ALG8: variants seen among roughly 807,000 people sequenced by gnomAD.
ALG8 encodes ALG8 alpha-1,3-glucosyltransferase.
In ALG8, 48 loss-of-function variants were observed where a neutral mutation model predicts 70.2. The observed-to-expected ratio is 0.68, with a 90% CI of 0.54 to 0.87. The LOEUF is 0.87. Among genes scored for constraint, ALG8 ranks in the 40% least tolerant of loss-of-function variants. The pLI, the probability that ALG8 is intolerant of heterozygous loss-of-function variation, is 0.00. For synonymous variants in ALG8, 234 were observed against 229.0 expected (o/e 1.02, Z -0.20); for missense variants, 572 against 608.7 (o/e 0.94, Z 0.64).
rs1294538044 is a variant in ALG8, at chr11:78,104,356, C to G, written c.1276G>C (p.Glu426Gln). ...SLFPLLFTAP[E>Q]LPIKILLMLL... ...ATTTTTCTCAGAAGACGCTGTTTACCTGGTGCAGTGAAGAGCAGAGGAAAG... is the reference window on the plus strand; with the variant it reads ...ATTTTTCTCAGAAGACGCTGTTTACGTGGTGCAGTGAAGAGCAGAGGAAAG... Residue 426 changes from glutamate to glutamine, a missense_variant and splice_region_variant, in exon 11 of 13, where the codon GAA (glutamate) becomes CAA (glutamine). Physicochemically the swap from Glu to Gln is conservative, Grantham distance 29. Coordinates refer to ENST00000299626, the MANE Select transcript of ALG8 (RefSeq NM_024079.5). 6.3e-7 allele frequency: 1 copy of G among 1,584,968 alleles called. No individual in the cohort carries two copies. The highest frequency in any genetic ancestry group is 1.2e-5 in the South Asian group (1 of 85,602).
rs758076775 is a variant in ALG8 at position 78,114,354 on chromosome 11, G to A, written c.585C>T (p.Leu195=). 7 of 1,614,068 alleles carry A rather than the reference G, an allele frequency of 4.3e-6. No individual in the cohort carries two copies. The highest frequency in any genetic ancestry group is 1.1e-5 in the South Asian group (1 of 91,082). ...HMEGAFLFAV[L]LHFKHIYLYV... ...AGAGGTAGATATGCTTGAAATGTAG[G>A]AGAACAGCAAAGAGAAATGCTCCTT... Residue 195 remains leucine, a synonymous_variant, in exon 6 of 13, where the codon CTC becomes CTT. Coordinates refer to ENST00000299626, the MANE Select transcript of ALG8 (RefSeq NM_024079.5).
intron 10 of ALG8, among the ~76,000 whole-genome samples, chr11:78,105,455 T>C (rs1201499080): frequency 6.6e-6 from 1 of 152,172 alleles, no homozygotes; most frequent in African/African-American, 2.4e-5. Context: ...TCTTGCGACC[T>C]GTATGACTTT....
chr11:78,139,010 A>G, intron 1 of ALG8: 1 of 346,468 alleles, frequency 2.9e-6, no homozygotes, highest in South Asian at 2.3e-5. Flanking sequence ...TTCAACTCAA[A>G]CATCACCTTC....
Position 78,126,446 on chromosome 11 carries a change from C to T in ALG8, c.174+912G>A, listed in dbSNP as rs1166178159. Among the ~76,000 whole-genome samples, 4 of 147,212 alleles carry T rather than the reference C, an allele frequency of 2.7e-5. No homozygotes were observed. In the East Asian group the frequency reaches 6.2e-4, roughly 23 times the overall value. On this transcript the variant is annotated intron_variant, in intron 2 of 12. Coordinates refer to ENST00000299626, the MANE Select transcript of ALG8 (RefSeq NM_024079.5). The stretch of plus-strand genomic sequence containing the variant: ...ACTTGGGAGGCCGAGGCAGGAGAAT[C>T]GCTTGAACCCGGGAGGCGGAGGTTG...
intron 9 of ALG8, 61 bp from the exon 10 acceptor site, chr11:78,107,007 A>AT: frequency 6.3e-7 from 1 of 1,589,588 alleles, no homozygotes; most frequent in Non-Finnish European, 8.6e-7. Flanking sequence ...ACAGAAACAG[A>AT]GTTCAGGTGA....
In ALG8 at chr11:78,139,622, T is replaced by C; in HGVS notation, c.-34A>G. The C allele has an allele frequency of 6.5e-7, 1 of 1,546,300 alleles. No individual in the cohort carries two copies. Among genetic ancestry groups the C allele is most frequent in the Non-Finnish European group, 8.8e-7 (1 of 1,142,544 alleles). On this transcript the variant is annotated 5_prime_UTR_variant, in exon 1 of 13. Transcript: ENST00000299626. ...CACCGCACGCTTCCCACCAACTTGA[T>C]CCACATCCGGGATCCCGCGCATGCG...
At chr11:78,120,040 T>G (rs1233265868) in intron 4 of ALG8, among the ~76,000 whole-genome samples, 1 of 151,984 alleles carries the variant, frequency 6.6e-6, no homozygotes, top group Non-Finnish European at 1.5e-5. Context: ...AGGCGGACAC[T>G]GCAGTGAGCT....
chr11:78,107,839 CAA>C (rs59453362), intron 9 of ALG8: 3,096 of 77,516 alleles, frequency 0.04, 132 homozygotes, highest in African/African-American at 0.14. Context: ...GAGACTGTCT[CAA>C]AAAAAAAAAA....
intron 1 of ALG8, among the ~76,000 whole-genome samples, chr11:78,127,707 C>CTTTTTTTTTT: frequency 7.0e-6 from 1 of 143,320 alleles, no homozygotes; most frequent in African/African-American, 2.7e-5. Context: ...TTCTCTTTTT[C>CTTTTTTTTTT]TTTTCTTTTT....
At chr11:78,113,804 T>TAC in intron 7 of ALG8, 82 bp downstream of exon 7, 1 of 1,157,632 alleles carries the variant, frequency 8.6e-7, no homozygotes, top group South Asian at 1.5e-5. Flanking sequence ...TTACTTATTT[T>TAC]ACATATTCCT....
chr11:78,112,820 A>G (rs1347522264), intron 7 of ALG8, 50 bp from the exon 8 acceptor site: 2 of 1,600,880 alleles, frequency 1.2e-6, no homozygotes, highest in Middle Eastern at 1.7e-4. Context: ...ATCTTTTTCA[A>G]ATTCAAAAAG....
At chr11:78,113,312 AAAT>A (rs946846015) in intron 7 of ALG8, among the ~76,000 whole-genome samples, 1 of 152,242 alleles carries the variant, frequency 6.6e-6, no homozygotes, top group African/African-American at 2.4e-5. Flanking sequence ...CAGAATACAC[AAAT>A]AATGAAGATC....
intron 5 of ALG8, 85 bp from the exon 6 acceptor site, chr11:78,114,477 A>C (rs1590817148): frequency 6.6e-7 from 1 of 1,520,730 alleles, no homozygotes; most frequent in East Asian, 2.3e-5. Flanking sequence ...GAATCCTGGA[A>C]CAGAACAAGG....
intron 8 of ALG8, among the ~76,000 whole-genome samples, chr11:78,110,108 C>A (rs1224946335): frequency 6.6e-6 from 1 of 152,184 alleles, no homozygotes; most frequent in Non-Finnish European, 1.5e-5. Flanking sequence ...ACTCCCTTTG[C>A]CAAATTAACT....
At chr11:78,134,888 A>G (rs1003157202) in intron 1 of ALG8, among the ~76,000 whole-genome samples, 1 of 152,224 alleles carries the variant, frequency 6.6e-6, no homozygotes, top group Non-Finnish European at 1.5e-5. Flanking sequence ...GTTGGAATCT[A>G]ATTCTTCCAA....
rs73501260 is a variant in ALG8, at chr11:78,124,232, G to T, written c.175-18C>A. ...GAAGTTGCCTGTGATAAAAATAGAA[G>T]ATCAGACATATCCTAAATAACTGAA... On this transcript the variant is annotated intron_variant, in intron 2 of 12. Coordinates refer to ENST00000299626, the MANE Select transcript of ALG8 (RefSeq NM_024079.5). The T allele has an allele frequency of 1.3e-3, 2,071 of 1,608,616 alleles. 22 individuals are homozygous for T. In the African/African-American group the frequency reaches 0.025, roughly 19 times the overall value.
intron 2 of ALG8, 72 bp from the exon 3 acceptor site, chr11:78,124,286 T>G (rs1046375480): frequency 9.3e-6 from 14 of 1,505,546 alleles, no homozygotes; most frequent in Non-Finnish European, 1.2e-5. Flanking sequence ...CGATTTAAAA[T>G]TTTTCATTCT....
intron 1 of ALG8, among the ~76,000 whole-genome samples, chr11:78,128,446 T>A (rs1426100191): frequency 1.3e-5 from 2 of 152,152 alleles, no homozygotes; most frequent in Non-Finnish European, 2.9e-5. Context: ...CAGCCAACCC[T>A]TCTTTCTCAG....
intron 8 of ALG8, 193 bp downstream of exon 8, chr11:78,112,457 G>T: frequency 1.5e-6 from 1 of 676,546 alleles, no homozygotes; most frequent in Non-Finnish European, 2.4e-6. Context: ...GCTTTTATAA[G>T]GAAAACAGTC....
Sources: gnomAD v4.1 joint callset for allele counts (sites outside exome capture counted in the v4.1 genomes callset) on GRCh38, gnomAD v4.1.1 for gene constraint, MANE v1.5 for transcripts, NCBI Gene and HGNC (gene_info 2026-07-23, HGNC 2026-07-21) for gene names.